Variants in NCOA2 observed in about 807,000 individuals in gnomAD.
The protein encoded by NCOA2 is nuclear receptor coactivator 2, also known as class E basic helix-loop-helix protein 75.
In NCOA2, 21 loss-of-function variants were observed where a neutral mutation model predicts 145.1. The ratio of observed to expected loss-of-function variants is 0.14; its 90% CI spans 0.10 to 0.21. The LOEUF (loss-of-function observed/expected upper bound fraction) is 0.21. Ranked by LOEUF, NCOA2 falls within the 10% of genes least tolerant of loss-of-function variation. NCOA2 has a pLI of 1.00. For missense variants in NCOA2, 1,472 were observed against 1,837.6 expected (o/e 0.80, Z 3.64); for synonymous variants, 619 against 637.5 (o/e 0.97, Z 0.44).
chr8:70,162,992 G>A (rs1455223406), intron 8 of NCOA2, 138 bp from the exon 9 acceptor site: 4 of 795,108 alleles, frequency 5.0e-6, no homozygotes, highest in African/African-American at 3.9e-5. Context: ...TCAGCTCACT[G>A]CAACCTCTAC....
chr8:70,117,685 T>C (rs1585703415), intron 22 of NCOA2, among the ~76,000 whole-genome samples: 1 of 152,224 alleles, frequency 6.6e-6, no homozygotes, highest in South Asian at 2.1e-4. Context: ...GGTGCAGGGG[T>C]TAAGAATGCA....
the NCOA2 span, among the ~76,000 whole-genome samples, chr8:70,428,947 T>A: frequency 2.0e-5 from 3 of 152,208 alleles, no homozygotes; most frequent in Non-Finnish European, 4.4e-5. Flanking sequence ...TGTTTTTGTA[T>A]GATTTTCAAT....
intron 4 of NCOA2, among the ~76,000 whole-genome samples, chr8:70,179,714 T>G (rs1341857696): frequency 6.6e-6 from 1 of 152,146 alleles, no homozygotes; most frequent in Non-Finnish European, 1.5e-5. Flanking sequence ...ATATATTCTG[T>G]TACAAAAATA....
Position 70,160,682 on chromosome 8 carries a change from G to GAGAGAGAGAGAGAGA in NCOA2, c.977-1031_977-1030insTCTCTCTCTCTCTCT, listed in dbSNP as rs371258460. Among the ~76,000 whole-genome samples, 549 of 58,142 alleles carry GAGAGAGAGAGAGAGA rather than the reference G, an allele frequency of 9.4e-3. 4 individuals carry two copies. The highest frequency in any genetic ancestry group is 0.015 in the Admixed American group (67 of 4,424). 38.1% of individuals were successfully genotyped at this position (58,142 alleles called of 152,430 possible). Reference sequence around the variant, plus strand: ...GACAGAGAGAGAGAGAGAGAGAGAGGGAGAGAGAGAGAGAGAGAGACTGAC... The same window carrying GAGAGAGAGAGAGAGA: ...GACAGAGAGAGAGAGAGAGAGAGAGGAGAGAGAGAGAGAGAGAGAGAGAGAGAGAGAGAGACTGAC... On this transcript the variant is annotated intron_variant, in intron 9 of 22. Transcript: ENST00000452400.
intron 2 of NCOA2, among the ~76,000 whole-genome samples, chr8:70,285,365 C>T (rs1263915295): frequency 1.3e-5 from 2 of 152,204 alleles, no homozygotes; most frequent in Non-Finnish European, 2.9e-5. Flanking sequence ...TCACATACTT[C>T]AGCTAAGATG....
chr8:70,421,319 G>A, the NCOA2 span, among the ~76,000 whole-genome samples: 6 of 152,112 alleles, frequency 3.9e-5, no homozygotes, highest in African/African-American at 1.4e-4. Context: ...GGGAGGCCAG[G>A]GTAGGAGAAT....
intron 1 of NCOA2, among the ~76,000 whole-genome samples, chr8:70,392,335 T>C (rs1813283397): frequency 6.6e-6 from 1 of 152,248 alleles, no homozygotes; most frequent in African/African-American, 2.4e-5. Context: ...GTTTCTACGA[T>C]TTAACGTTCA....
In NCOA2 at chr8:70,253,505, A is replaced by G. The variant is rs185822159; in HGVS notation, c.-19-36741T>C. Among the ~76,000 whole-genome samples, 135 of 152,334 alleles carry G rather than the reference A, an allele frequency of 8.9e-4. 1 individual carries two copies. Among genetic ancestry groups the G allele is most frequent in the African/African-American group, 3.1e-3 (127 of 41,586 alleles). On this transcript the variant is annotated intron_variant, in intron 2 of 22. Coordinates refer to ENST00000452400, the MANE Select transcript of NCOA2 (RefSeq NM_006540.4). ...AGGGACAATAGTTAGGAAGTGTGCA[A>G]TATCACTGAGAAATGATGAAACTCT...
chr8:70,330,743 C>A (rs1807026502), intron 1 of NCOA2, among the ~76,000 whole-genome samples: 1 of 152,106 alleles, frequency 6.6e-6, no homozygotes, highest in Non-Finnish European at 1.5e-5. Flanking sequence ...GTAACGTGCA[C>A]AGTATTTACT....
At chr8:70,322,406 G>T (rs1586486802) in intron 1 of NCOA2, among the ~76,000 whole-genome samples, 1 of 152,096 alleles carries the variant, frequency 6.6e-6, no homozygotes, top group Non-Finnish European at 1.5e-5. Flanking sequence ...GAAAACTGTA[G>T]ATTTCTATAT....
At chr8:70,367,225 G>A (rs1008018863) in intron 1 of NCOA2, among the ~76,000 whole-genome samples, 1 of 152,104 alleles carries the variant, frequency 6.6e-6, no homozygotes, top group East Asian at 1.9e-4. Context: ...TCCTAAGACT[G>A]TTCTCATTTC....
At chr8:70,324,345 G>A (rs1273039100) in intron 1 of NCOA2, among the ~76,000 whole-genome samples, 1 of 151,792 alleles carries the variant, frequency 6.6e-6, no homozygotes, top group African/African-American at 2.4e-5. Flanking sequence ...TTTTTTTTAG[G>A]TTTATTTTTG....
intron 1 of NCOA2, among the ~76,000 whole-genome samples, chr8:70,315,067 A>G (rs1490021027): frequency 6.6e-6 from 1 of 152,200 alleles, no homozygotes; most frequent in East Asian, 1.9e-4. Flanking sequence ...TGTGCCTCAC[A>G]ATCACTTTTT....
chr8:70,113,440 C>G lies in NCOA2; in HGVS notation c.*192G>C, dbSNP rs1399160952. ...TGTCTGGATGCGAGCTTCAGACTGT[C>G]AAGAGAAGAGGCAGCTCCTCCTGCC... On this transcript the variant is annotated 3_prime_UTR_variant, in exon 23 of 23. Transcript: ENST00000452400. 1 of 616,554 alleles carries G rather than the reference C, an allele frequency of 1.6e-6. No homozygotes were observed. Among genetic ancestry groups the G allele is most frequent in the Non-Finnish European group, 2.9e-6 (1 of 347,102 alleles). 38.2% of individuals were successfully genotyped at this position (616,554 alleles called of 1,614,324 possible).
chr8:70,349,912 C>T (rs1809017294), intron 1 of NCOA2, among the ~76,000 whole-genome samples: 1 of 151,936 alleles, frequency 6.6e-6, no homozygotes. Flanking sequence ...CCTAGAAGCA[C>T]CCATACTCTG....
At chr8:70,341,082 G>GAAAAAAAAAAAAAAA (rs3085558) in intron 1 of NCOA2, among the ~76,000 whole-genome samples, 3 of 105,070 alleles carry the variant, frequency 2.9e-5, no homozygotes, top group African/African-American at 9.6e-5. Context: ...TTAAAAAGTT[G>GAAAAAAAAAAAAAAA]AAAAAAAAAA....
At chr8:70,121,235 T>TTTAATCTACTGG in intron 22 of NCOA2, 67 bp downstream of exon 22, 1 of 1,321,672 alleles carries the variant, frequency 7.6e-7, no homozygotes, top group Non-Finnish European at 1.1e-6. Flanking sequence ...TCTATGCCAC[T>TTTAATCTACTGG]TTTGGTCTAT....
At chr8:70,173,267 C>A (rs957196991) in intron 5 of NCOA2, among the ~76,000 whole-genome samples, 2 of 152,178 alleles carry the variant, frequency 1.3e-5, no homozygotes, top group Non-Finnish European at 2.9e-5. Flanking sequence ...TTATTCCCAG[C>A]ATTTCTATTT....
At chr8:70,188,838 A>G (rs900963348) in intron 4 of NCOA2, among the ~76,000 whole-genome samples, 31 of 152,210 alleles carry the variant, frequency 2.0e-4, no homozygotes, top group African/African-American at 7.5e-4. Flanking sequence ...ATTTTGTGAC[A>G]TTGCTGTTAT....
Sources: allele counts gnomAD v4.1 joint callset (sites outside exome capture counted in the v4.1 genomes callset), GRCh38; gene constraint gnomAD v4.1.1; transcripts MANE v1.5; gene names NCBI Gene and HGNC (gene_info 2026-07-23, HGNC 2026-07-21).